VPS13B: variants seen among roughly 807,000 people sequenced by gnomAD.
VPS13B encodes the protein intermembrane lipid transfer protein VPS13B.
VPS13B carries 285 observed loss-of-function variants against 426.4 expected under a neutral mutation model. The observed-to-expected ratio is 0.67, with a 90% CI of 0.61 to 0.74. VPS13B has a LOEUF of 0.74. Ranked by LOEUF, VPS13B falls within the 30% of genes least tolerant of loss-of-function variation. VPS13B has a pLI of 0.00. For missense variants in VPS13B, 4,537 were observed against 4,782.6 expected (o/e 0.95, Z 1.51); for synonymous variants, 1,676 against 1,676.4 (o/e 1.00, Z 0.01).
chr8:99,144,348 A>C (rs555674233), intron 13 of VPS13B, among the ~76,000 whole-genome samples: 36 of 151,616 alleles, frequency 2.4e-4, no homozygotes, highest in Non-Finnish European at 2.9e-4. Flanking sequence ...AAAAAAAAAA[A>C]ATTAGTTGGG....
chr8:99,387,419 C>G (rs1167969796), intron 20 of VPS13B, among the ~76,000 whole-genome samples: 1 of 151,910 alleles, frequency 6.6e-6, no homozygotes, highest in Non-Finnish European at 1.5e-5. Flanking sequence ...GGTGGTGTCT[C>G]ACTATATTGC....
At chr8:99,013,639 T>A (rs936760054) in intron 1 of VPS13B, 121 bp from the exon 2 acceptor site, 5 of 854,034 alleles carry the variant, frequency 5.9e-6, no homozygotes, top group Middle Eastern at 6.8e-4. Flanking sequence ...AGTTTTTCTC[T>A]GTTTCTAAGA....
intron 30 of VPS13B, among the ~76,000 whole-genome samples, chr8:99,552,817 A>G (rs1249351955): frequency 6.6e-6 from 1 of 152,142 alleles, no homozygotes; most frequent in Non-Finnish European, 1.5e-5. Flanking sequence ...GGAAGTTGAC[A>G]TTAGTACAAT....
At chr8:99,434,633 A>G (rs1004547885) in intron 22 of VPS13B, among the ~76,000 whole-genome samples, 1 of 152,226 alleles carries the variant, frequency 6.6e-6, no homozygotes, top group African/African-American at 2.4e-5. Context: ...GCATAAAAAT[A>G]CTAGTTAATA....
intron 3 of VPS13B, among the ~76,000 whole-genome samples, chr8:99,091,057 A>G (rs2132413719): frequency 6.6e-6 from 1 of 152,250 alleles, no homozygotes; most frequent in Non-Finnish European, 1.5e-5. Flanking sequence ...ATGTTTTGCA[A>G]TTTCTCTGAT....
At chr8:99,358,002 T>TCACACA (rs34418547) in intron 19 of VPS13B, among the ~76,000 whole-genome samples, 2,936 of 144,374 alleles carry the variant, frequency 0.02, 78 homozygotes, top group African/African-American at 0.059. Context: ...GGATTAAATA[T>TCACACA]CACACACACA....
At chr8:99,875,294 T>A (rs2130989551) in intron 61 of VPS13B, 124 bp from the exon 62 acceptor site, 1 of 1,328,420 alleles carries the variant, frequency 7.5e-7, no homozygotes, top group East Asian at 2.3e-5. Flanking sequence ...ACATTCTGGA[T>A]TAATGGCTTT....
At chr8:99,554,722 C>T (rs9693641) in intron 30 of VPS13B, among the ~76,000 whole-genome samples, 4,704 of 152,140 alleles carry the variant, frequency 0.031, 110 homozygotes, top group South Asian at 0.075. Context: ...GTTAGCTGAG[C>T]TGGGCCTTTA....
At chr8:99,607,611 G>A (rs1011148439) in intron 33 of VPS13B, among the ~76,000 whole-genome samples, 1 of 152,044 alleles carries the variant, frequency 6.6e-6, no homozygotes, top group Non-Finnish European at 1.5e-5. Flanking sequence ...TTGTATTATC[G>A]ATTTTCTCAC....
At chr8:99,602,901 C>T (rs1477887459) in intron 33 of VPS13B, among the ~76,000 whole-genome samples, 1 of 152,204 alleles carries the variant, frequency 6.6e-6, no homozygotes, top group Non-Finnish European at 1.5e-5. Flanking sequence ...AATGGAAAAA[C>T]ATTCCATGTT....
At chr8:99,063,566 G>T (rs962465067) in intron 3 of VPS13B, among the ~76,000 whole-genome samples, 1 of 152,224 alleles carries the variant, frequency 6.6e-6, no homozygotes, top group Non-Finnish European at 1.5e-5. Flanking sequence ...AAAGCAGCCA[G>T]GGAAGCTTGA....
intron 25 of VPS13B, among the ~76,000 whole-genome samples, chr8:99,497,137 AAT>A (rs893426965): frequency 3.6e-5 from 5 of 139,558 alleles, no homozygotes; most frequent in African/African-American, 8.1e-5. Context: ...TTCATATATA[AAT>A]ATATATATTT....
chr8:99,403,208 C>T (rs1382042551), intron 21 of VPS13B, among the ~76,000 whole-genome samples: 1 of 152,118 alleles, frequency 6.6e-6, no homozygotes, highest in African/African-American at 2.4e-5. Context: ...CAGTTTTGTA[C>T]ATGGCTGGGG....
At chr8:99,397,786 G>T (rs989913605) in intron 21 of VPS13B, among the ~76,000 whole-genome samples, 1 of 152,140 alleles carries the variant, frequency 6.6e-6, no homozygotes, top group Non-Finnish European at 1.5e-5. Context: ...GAAAGAAAAA[G>T]GTGCTTTCTG....
At chr8:99,828,408 T>TGC (rs1563495295) in intron 51 of VPS13B, among the ~76,000 whole-genome samples, 1,712 of 55,342 alleles carry the variant, frequency 0.031, 243 homozygotes, top group African/African-American at 0.038. Flanking sequence ...TTTTTTTTTT[T>TGC]TTTTTTTTTT....
rs202088451 is a variant in VPS13B at position 99,819,371 on chromosome 8, A to G, written c.8622-41A>G. ...TTCAATAAATTATATACCACTTTAG[A>G]AATCTGATAATTATTCTTGGTTTTT... On this transcript the variant is annotated intron_variant, in intron 47 of 61. Transcript: ENST00000357162. 2.5e-5 allele frequency: 40 copies of G among 1,605,596 alleles called. No individual in the cohort carries two copies. In the East Asian group the frequency reaches 6.5e-4, roughly 26 times the overall value.
At chr8:99,611,982 A>G (rs1827862186) in intron 33 of VPS13B, among the ~76,000 whole-genome samples, 1 of 152,154 alleles carries the variant, frequency 6.6e-6, no homozygotes, top group Non-Finnish European at 1.5e-5. Flanking sequence ...AGCCCTCTCT[A>G]TAACTCCATG....
At chr8:99,463,583 C>G (rs2133498529) in intron 23 of VPS13B, among the ~76,000 whole-genome samples, 1 of 152,270 alleles carries the variant, frequency 6.6e-6, no homozygotes, top group East Asian at 1.9e-4. Context: ...CTGTCTTCCT[C>G]TTCTATGAAG....
chr8:99,776,710 GTT>G, intron 40 of VPS13B, 63 bp from the exon 41 acceptor site: 2 of 1,484,508 alleles, frequency 1.3e-6, no homozygotes, highest in Non-Finnish European at 1.9e-6. Flanking sequence ...ATAAAAAGAC[GTT>G]TCACTCATAT....
Sources: gnomAD v4.1 joint callset for allele counts (sites outside exome capture counted in the v4.1 genomes callset) on GRCh38, gnomAD v4.1.1 for gene constraint, MANE v1.5 for transcripts, NCBI Gene and HGNC (gene_info 2026-07-23, HGNC 2026-07-21) for gene names.